The following SNX2 variants were observed in gnomAD, a reference collection of about 807,000 sequenced individuals.
The protein encoded by SNX2 is sorting nexin 2.
Under a neutral mutation model 69.9 loss-of-function variants are expected in SNX2, and 25 were observed. The ratio of observed to expected loss-of-function variants is 0.36; its 90% CI spans 0.26 to 0.50. The LOEUF is 0.50. Among genes scored for constraint, SNX2 ranks in the 20% least tolerant of loss-of-function variants. SNX2 has a pLI of 0.97. For synonymous variants in SNX2, 229 were observed against 200.4 expected (o/e 1.14, Z -1.20); for missense variants, 551 against 613.3 (o/e 0.90, Z 1.07).
rs1192908672 is a variant in SNX2 at position 122,827,421 on chromosome 5, A to G, written c.1399A>G (p.Ile467Val). The change falls in exon 13 of 15, where the codon ATA (isoleucine) becomes GTA (valine). Residue 467 changes from isoleucine (I) to valine (V), a missense_variant. Physicochemically the swap from Ile to Val is conservative, Grantham distance 29 (BLOSUM62 3). Around this residue, in one of 2 missense-constraint regions of SNX2, gnomAD observed 360 missense variants for 450.4 expected, o/e 0.80. Coordinates refer to ENST00000379516, the MANE Select transcript of SNX2 (RefSeq NM_003100.4). Reference protein sequence around the residue: ...VQQGERDFEQISKTIRKEVGR... With the variant: ...VQQGERDFEQVSKTIRKEVGR... The stretch of plus-strand genomic sequence containing the variant: ...ACAAGGGGAAAGAGATTTTGAACAG[A>G]TATCTAAAACGATTCGAAAAGAAGT... 10 of 1,613,480 alleles carry G rather than the reference A, an allele frequency of 6.2e-6. No individual in the cohort carries two copies. The highest frequency in any genetic ancestry group is 1.3e-5 in the African/African-American group (1 of 74,908).
intron 11 of SNX2, among the ~76,000 whole-genome samples, chr5:122,824,440 A>G (rs1307420870): frequency 6.6e-6 from 1 of 152,154 alleles, no homozygotes; most frequent in Non-Finnish European, 1.5e-5. Flanking sequence ...TTTTAGGAAA[A>G]ACGTGGTATT....
intron 1 of SNX2, among the ~76,000 whole-genome samples, chr5:122,794,327 C>A (rs931903409): frequency 1.7e-4 from 26 of 151,454 alleles, no homozygotes; most frequent in East Asian, 3.9e-4. Flanking sequence ...AACAAACAAA[C>A]AAAAAAAACA....
At chr5:122,784,268 TA>T (rs1561441431) in intron 1 of SNX2, among the ~76,000 whole-genome samples, 1 of 151,440 alleles carries the variant, frequency 6.6e-6, no homozygotes. Context: ...TAATATTGAA[TA>T]AAAGTGGTGA....
At chr5:122,780,319 A>G (rs2149999713) in intron 1 of SNX2, among the ~76,000 whole-genome samples, 1 of 152,330 alleles carries the variant, frequency 6.6e-6, no homozygotes, top group East Asian at 1.9e-4. Flanking sequence ...ATATATGTGT[A>G]ATTAAAAATC....
At chr5:122,828,889 C>T (rs565266746) in intron 14 of SNX2, among the ~76,000 whole-genome samples, 4 of 152,138 alleles carry the variant, frequency 2.6e-5, no homozygotes, top group East Asian at 3.9e-4. Context: ...GAGGCCGAGG[C>T]GGGTGGATCA....
At chr5:122,799,671 A>C (rs1361764836) in intron 2 of SNX2, 21 bp from the exon 3 acceptor site, 1 of 1,597,632 alleles carries the variant, frequency 6.3e-7, no homozygotes, top group South Asian at 1.1e-5. Flanking sequence ...TTCTTAACTA[A>C]CTTGTTTAAT....
intron 12 of SNX2, chr5:122,826,559 ATGT>A: frequency 4.3e-6 from 2 of 465,372 alleles, no homozygotes; most frequent in Non-Finnish European, 5.6e-6. Context: ...CCCCATATAT[ATGT>A]ATTATATATG....
intron 1 of SNX2, chr5:122,775,586 G>A (rs1455700629): frequency 1.0e-6 from 1 of 995,446 alleles, no homozygotes; most frequent in East Asian, 1.0e-4. Flanking sequence ...TTTTGAAGGG[G>A]TGCTCGCTTT....
rs755939757 is a variant in SNX2, at chr5:122,832,423, AAC to A, written c.*2779_*2780del. On this transcript the variant is annotated 3_prime_UTR_variant, in exon 15 of 15. Transcript: ENST00000379516. ...ACAAAATGTGTGTAAAAATATGCCT[AAC>A]ACATAGATTTCCTTGATTGTATTTT... The A allele has an allele frequency of 1.8e-4, 27 of 152,322 alleles. No homozygotes were observed. In the East Asian group the frequency reaches 4.4e-3, roughly 25 times the overall value. 9.4% of individuals were successfully genotyped at this position (152,322 alleles called of 1,614,324 possible). A position where few individuals can be genotyped will look rare whatever the true frequency, so the allele number is the denominator to read the frequency against.
intron 2 of SNX2, among the ~76,000 whole-genome samples, chr5:122,797,548 C>A (rs1406046842): frequency 6.6e-6 from 1 of 152,082 alleles, no homozygotes; most frequent in Non-Finnish European, 1.5e-5. Flanking sequence ...ATTCCTCCTT[C>A]TATGGAGGAG....
At chr5:122,807,450 T>C (rs572748255) in intron 6 of SNX2, among the ~76,000 whole-genome samples, 1 of 152,312 alleles carries the variant, frequency 6.6e-6, no homozygotes, top group South Asian at 2.1e-4. Context: ...TTTCTTTCTC[T>C]AAGTATTTAC....
At chr5:122,804,773 A>G (rs1034882157) in intron 6 of SNX2, among the ~76,000 whole-genome samples, 2 of 152,084 alleles carry the variant, frequency 1.3e-5, no homozygotes, top group African/African-American at 4.8e-5. Context: ...TGTCATCTCA[A>G]AATTTTGTAG....
At chr5:122,776,029 C>G (rs1034507573) in intron 1 of SNX2, among the ~76,000 whole-genome samples, 4 of 152,112 alleles carry the variant, frequency 2.6e-5, no homozygotes, top group African/African-American at 9.7e-5. Flanking sequence ...ATTGGGCCCT[C>G]CTTATATCCA....
rs185543955 is a variant in SNX2 at position 122,797,757 on chromosome 5, G to A, written c.227-1935G>A. Reference sequence around the variant, plus strand: ...CTCCAAGGAAAAATTAATCTTTACAGTTAGCACCTATGAAGCATCTTCCTG... The same window carrying A: ...CTCCAAGGAAAAATTAATCTTTACAATTAGCACCTATGAAGCATCTTCCTG... On this transcript the variant is annotated intron_variant, in intron 2 of 14. Transcript: ENST00000379516. Among the ~76,000 whole-genome samples the A allele has an allele frequency of 1.3e-5, 2 of 152,230 alleles. 1 individual carries two copies. Among genetic ancestry groups the A allele is most frequent in the Middle Eastern group, 6.8e-3 (2 of 294 alleles).
intron 11 of SNX2, among the ~76,000 whole-genome samples, chr5:122,821,129 T>C (rs960122437): frequency 1.3e-5 from 2 of 152,174 alleles, no homozygotes; most frequent in African/African-American, 4.8e-5. Context: ...TGTCCTATTC[T>C]TTATTTTAAA....
At chr5:122,823,889 C>T (rs997703367) in intron 11 of SNX2, among the ~76,000 whole-genome samples, 4 of 151,694 alleles carry the variant, frequency 2.6e-5, no homozygotes, top group African/African-American at 9.7e-5. Flanking sequence ...TGCAGCCCAA[C>T]TCAAATTCAC....
intron 2 of SNX2, 90 bp downstream of exon 2, chr5:122,795,473 G>A: frequency 1.1e-6 from 1 of 873,532 alleles, no homozygotes; most frequent in Admixed American, 2.2e-5. Flanking sequence ...CTGAAATTCT[G>A]TGTAAAGTGT....
chr5:122,822,767 A>G (rs1264542253), intron 11 of SNX2, among the ~76,000 whole-genome samples: 1 of 152,186 alleles, frequency 6.6e-6, no homozygotes, highest in Non-Finnish European at 1.5e-5. Flanking sequence ...TTGAACCACT[A>G]GAGTAGGGTC....
At position 122,830,389 on chromosome 5, in the gene SNX2, G is replaced by C. The variant is rs1410481352; in HGVS notation, c.*741G>C. ...TCTCTATTACAAGTGCCCAATTTAA[G>C]AATTAGGAAAAAAATGTATTTATAT... On this transcript the variant is annotated 3_prime_UTR_variant, in exon 15 of 15. Coordinates refer to ENST00000379516, the MANE Select transcript of SNX2 (RefSeq NM_003100.4). 6.6e-6 allele frequency among the ~76,000 whole-genome samples: 1 copy of C among 152,024 alleles called. No individual in the cohort carries two copies. Among genetic ancestry groups the C allele is most frequent in the Non-Finnish European group, 1.5e-5 (1 of 67,982 alleles).
Sources: gnomAD v4.1 joint callset for allele counts (sites outside exome capture counted in the v4.1 genomes callset) on GRCh38, gnomAD v4.1.1 for gene constraint, gnomAD v4.1.1 regional missense constraint, MANE v1.5 for transcripts, NCBI Gene and HGNC (gene_info 2026-07-23, HGNC 2026-07-21) for gene names.